The following PTPRG variants were observed in gnomAD, a reference collection of about 807,000 sequenced individuals.
PTPRG encodes protein tyrosine phosphatase receptor type G, also known as receptor-type tyrosine-protein phosphatase gamma.
A neutral mutation model predicts 165.3 loss-of-function variants in PTPRG; 102 were observed. The observed-to-expected ratio is 0.62, with a 90% confidence interval of 0.53 to 0.73. The LOEUF (loss-of-function observed/expected upper bound fraction) is 0.73, where lower values mean the gene tolerates loss of function less well. Among genes scored for constraint, PTPRG ranks in the 30% least tolerant of loss-of-function variants. The pLI is 0.00. For missense variants in PTPRG, 1,866 were observed against 1,861.4 expected (o/e 1.00, Z -0.05); for synonymous variants, 675 against 669.5 (o/e 1.01, Z -0.13).
chr3:62,148,193 G>C (rs1237349726), intron 6 of PTPRG, among the ~76,000 whole-genome samples: 1 of 152,074 alleles, frequency 6.6e-6, no homozygotes, highest in Middle Eastern at 3.2e-3. Context: ...GGGGGCTCAG[G>C]CGGTGACATT....
intron 2 of PTPRG, among the ~76,000 whole-genome samples, chr3:61,941,711 C>G (rs978333365): frequency 1.3e-5 from 2 of 152,198 alleles, no homozygotes; most frequent in Non-Finnish European, 2.9e-5. Flanking sequence ...GATCAATAGT[C>G]TCCCTCCAAC....
intron 17 of PTPRG, among the ~76,000 whole-genome samples, chr3:62,265,977 ACT>A (rs1701861782): frequency 6.7e-6 from 1 of 148,888 alleles, no homozygotes; most frequent in African/African-American, 2.5e-5. Flanking sequence ...AACATCACTT[ACT>A]GCCTTGCTAA....
At chr3:61,737,574 C>A (rs940422906) in intron 1 of PTPRG, among the ~76,000 whole-genome samples, 4 of 152,078 alleles carry the variant, frequency 2.6e-5, no homozygotes, top group African/African-American at 9.7e-5. Context: ...AGTGGCTGAC[C>A]AGCTAGGGTT....
intron 2 of PTPRG, among the ~76,000 whole-genome samples, chr3:61,953,674 T>C (rs1440219403): frequency 1.3e-5 from 2 of 152,234 alleles, no homozygotes; most frequent in Non-Finnish European, 2.9e-5. Context: ...CAAGGCTCAC[T>C]GCTGCATTTT....
intron 4 of PTPRG, among the ~76,000 whole-genome samples, chr3:62,071,052 C>T (rs1014655039): frequency 1.3e-4 from 20 of 152,028 alleles, no homozygotes; most frequent in African/African-American, 4.8e-4. Context: ...CTCTTTATCT[C>T]GTCCTGTTTA....
chr3:61,779,011 A>G (rs1465594433), intron 2 of PTPRG, among the ~76,000 whole-genome samples: 2 of 152,170 alleles, frequency 1.3e-5, no homozygotes, highest in East Asian at 1.9e-4. Context: ...ATTAAAGACA[A>G]TAAAATCCTA....
intron 1 of PTPRG, among the ~76,000 whole-genome samples, chr3:61,572,899 T>C (rs1196026998): frequency 2.6e-5 from 4 of 152,178 alleles, no homozygotes; most frequent in African/African-American, 9.7e-5. Context: ...GGGACAGATT[T>C]TTTCTTTGGG....
intron 1 of PTPRG, chr3:61,743,239 GA>G: frequency 1.5e-6 from 1 of 665,488 alleles, no homozygotes; most frequent in Non-Finnish European, 2.7e-6. Flanking sequence ...ACTCCCTGAT[GA>G]AAATACCTGT....
intron 1 of PTPRG, among the ~76,000 whole-genome samples, chr3:61,634,444 T>C (rs1370796935): frequency 6.6e-6 from 1 of 152,132 alleles, no homozygotes; most frequent in Non-Finnish European, 1.5e-5. Context: ...TTCAGTATGT[T>C]GGCCAGGCTG....
At chr3:61,987,044 T>C (rs552379472) in intron 2 of PTPRG, among the ~76,000 whole-genome samples, 1 of 152,330 alleles carries the variant, frequency 6.6e-6, no homozygotes, top group Middle Eastern at 3.4e-3. Flanking sequence ...TAAAGTGTCT[T>C]AACACTGAAG....
chr3:62,074,354 T>TTCTTTCTTTC (rs1336100687), intron 4 of PTPRG, among the ~76,000 whole-genome samples: 1 of 35,052 alleles, frequency 2.9e-5, no homozygotes, highest in African/African-American at 7.2e-5. Context: ...TTTTCTTTCT[T>TTCTTTCTTTC]TTTTTTTTTT....
At position 61,568,969 on chromosome 3, in the gene PTPRG, A is replaced by T. The variant is rs148099254; in HGVS notation, c.85+6597A>T. Among the ~76,000 whole-genome samples the T allele has an allele frequency of 1.1e-3, 170 of 151,630 alleles. 1 individual carries two copies. The highest frequency in any genetic ancestry group is 3.9e-3 in the African/African-American group (162 of 41,308). ...GGGATAGGAAGAGGAATGACAGCTG[A>T]TGAGGTTTCTATATGTGCCTGGTTT... is the stretch of plus-strand genomic sequence containing the variant. On this transcript the variant is annotated intron_variant, in intron 1 of 29. Coordinates refer to ENST00000474889, the MANE Select transcript of PTPRG (RefSeq NM_002841.4).
At chr3:61,671,798 G>A (rs1453338253) in intron 1 of PTPRG, among the ~76,000 whole-genome samples, 2 of 142,332 alleles carry the variant, frequency 1.4e-5, no homozygotes, top group African/African-American at 5.3e-5. Context: ...CCCGGATGGG[G>A]CGGCTGGCCG....
At chr3:62,081,419 T>G (rs886561) in intron 5 of PTPRG, among the ~76,000 whole-genome samples, 2 of 151,994 alleles carry the variant, frequency 1.3e-5, no homozygotes, top group African/African-American at 2.4e-5. Flanking sequence ...TATGGCTCAC[T>G]ACAGCCTCCA....
intron 2 of PTPRG, among the ~76,000 whole-genome samples, chr3:61,985,911 C>T (rs1251431483): frequency 1.3e-5 from 2 of 152,102 alleles, no homozygotes; most frequent in Non-Finnish European, 2.9e-5. Flanking sequence ...CTCATATTTG[C>T]AGCTTATTTT....
At chr3:61,567,470 G>A (rs963115658) in intron 1 of PTPRG, among the ~76,000 whole-genome samples, 40 of 151,826 alleles carry the variant, frequency 2.6e-4, no homozygotes, top group African/African-American at 8.5e-4. Flanking sequence ...CCAGAAGTTC[G>A]AGACCAGCCA....
intron 2 of PTPRG, among the ~76,000 whole-genome samples, chr3:61,869,931 A>C (rs1049633958): frequency 2.0e-5 from 3 of 151,628 alleles, no homozygotes; most frequent in African/African-American, 7.3e-5. Flanking sequence ...CGTCACCTAA[A>C]TGCTCCTTCT....
rs1161352190 is a variant in PTPRG at position 62,281,601 on chromosome 3, A to C, written c.3804A>C (p.Glu1268Asp). The C allele has an allele frequency of 3.4e-6, 5 of 1,474,392 alleles. No homozygotes were observed. Among genetic ancestry groups the C allele is most frequent in the Non-Finnish European group, 4.6e-6 (5 of 1,096,912 alleles). 91.3% of individuals were successfully genotyped at this position (1,474,392 alleles called of 1,614,324 possible). Residue 1268 changes from glutamate (E) to aspartate (D), a missense_variant, in exon 27 of 30, where the codon GAA becomes GAC. By Grantham distance (45) the Glu-to-Asp change is conservative. Transcript: ENST00000474889. ...TTGTGTACTGGCCAAGTCGAGAAGA[A>C]TCCATGAACTGTGAGGCCTTTACCG... ...DEFVYWPSRE[E>D]SMNCEAFTVT...
chr3:62,051,218 A>C (rs1700459114), intron 4 of PTPRG, among the ~76,000 whole-genome samples: 1 of 152,202 alleles, frequency 6.6e-6, no homozygotes, highest in Non-Finnish European at 1.5e-5. Flanking sequence ...AAATATAGAA[A>C]GTAATAAGAG....
Sources: allele counts gnomAD v4.1 joint callset (sites outside exome capture counted in the v4.1 genomes callset), GRCh38; gene constraint gnomAD v4.1.1; transcripts MANE v1.5; gene names NCBI Gene and HGNC (gene_info 2026-07-23, HGNC 2026-07-21).